CALN1: variants seen among roughly 807,000 people sequenced by gnomAD.
CALN1 encodes calcium-binding protein 8.
In CALN1, 17 loss-of-function variants were observed where a neutral mutation model predicts 30.6. That is an observed-to-expected ratio of 0.56 (90% CI 0.38 to 0.83). CALN1 has a LOEUF of 0.83. CALN1 is among the 40% of genes least tolerant of loss of function. CALN1 has a pLI of 0.00. For synonymous variants in CALN1, 156 were observed against 131.4 expected (o/e 1.19, Z -1.28); for missense variants, 291 against 354.9 (o/e 0.82, Z 1.45).
rs536218999 is a variant in CALN1, at chr7:71,897,501, A to G, written c.502-87009T>C. On this transcript the variant is annotated intron_variant, in intron 5 of 6. Transcript: ENST00000395275. Reference sequence around the variant, plus strand: ...TCCTGTCCAAGGATAAAAGAACAGAAAACAAAAATTTCACCTTGAGCCTCT... The same window carrying G: ...TCCTGTCCAAGGATAAAAGAACAGAGAACAAAAATTTCACCTTGAGCCTCT... 2.6e-5 allele frequency among the ~76,000 whole-genome samples: 4 copies of G among 152,314 alleles called. No homozygotes were observed. In the East Asian group the frequency reaches 7.7e-4, roughly 29 times the overall value.
At chr7:72,471,029 C>T in the CALN1 span, among the ~76,000 whole-genome samples, 1 of 152,154 alleles carries the variant, frequency 6.6e-6, no homozygotes, top group Non-Finnish European at 1.5e-5. Context: ...AATCTTGGCT[C>T]ACTGCAGCCT....
intron 5 of CALN1, among the ~76,000 whole-genome samples, chr7:71,867,503 C>T (rs376992182): frequency 1.2e-4 from 18 of 152,034 alleles, no homozygotes; most frequent in East Asian, 7.8e-4. Flanking sequence ...GGTGCAATCT[C>T]GGCTCATTGC....
At chr7:72,267,920 T>C (rs779081240) in intron 3 of CALN1, among the ~76,000 whole-genome samples, 3 of 152,146 alleles carry the variant, frequency 2.0e-5, no homozygotes, top group Non-Finnish European at 4.4e-5. Context: ...GATGGCAGGA[T>C]TGCTTGAGCC....
intron 3 of CALN1, among the ~76,000 whole-genome samples, chr7:72,209,695 A>G (rs1046849237): frequency 6.6e-6 from 1 of 152,134 alleles, no homozygotes; most frequent in African/African-American, 2.4e-5. Context: ...CACTTTGGCT[A>G]TCGGGCTCTT....
At chr7:72,435,578 GCAGCAGC>G (rs1808129401) in intron 1 of CALN1, among the ~76,000 whole-genome samples, 1 of 152,198 alleles carries the variant, frequency 6.6e-6, no homozygotes, top group African/African-American at 2.4e-5. Flanking sequence ...CAGAAGCGAG[GCAGCAGC>G]CAGCGCGGAG....
At chr7:72,144,557 A>G (rs1319565650) in intron 3 of CALN1, among the ~76,000 whole-genome samples, 2 of 152,218 alleles carry the variant, frequency 1.3e-5, no homozygotes, top group Non-Finnish European at 2.9e-5. Flanking sequence ...AACATCAGAC[A>G]GATCAACAAG....
intron 6 of CALN1, among the ~76,000 whole-genome samples, chr7:71,794,648 C>A (rs1017393314): frequency 2.0e-5 from 3 of 152,184 alleles, no homozygotes; most frequent in South Asian, 4.1e-4. Flanking sequence ...CTGTAAATTG[C>A]CAGAGAAATA....
At chr7:72,236,630 G>A (rs932662381) in intron 3 of CALN1, among the ~76,000 whole-genome samples, 6 of 152,146 alleles carry the variant, frequency 3.9e-5, no homozygotes, top group African/African-American at 1.4e-4. Flanking sequence ...CAGGCTCATC[G>A]CAAAAATCAA....
At chr7:72,374,531 CAAA>C (rs200948574) in intron 2 of CALN1, among the ~76,000 whole-genome samples, 1 of 50,486 alleles carries the variant, frequency 2.0e-5, no homozygotes. Flanking sequence ...ACTCTGTCTC[CAAA>C]AAAAAAAAAA....
chr7:71,869,213 CTT>C (rs1263130281), intron 5 of CALN1, among the ~76,000 whole-genome samples: 7 of 144,568 alleles, frequency 4.8e-5, no homozygotes, highest in African/African-American at 5.0e-5. Context: ...GGAAAAAACA[CTT>C]TTTTTTTTTT....
intron 6 of CALN1, among the ~76,000 whole-genome samples, chr7:71,790,622 G>A (rs1315318549): frequency 1.3e-5 from 2 of 152,176 alleles, no homozygotes. Flanking sequence ...TGCCCTTGAG[G>A]TCGGCAGGAA....
chr7:71,824,221 G>A lies in CALN1; in HGVS notation c.502-13729C>T, dbSNP rs183260743. Among the ~76,000 whole-genome samples, 8 of 152,212 alleles carry A rather than the reference G, an allele frequency of 5.3e-5. No individual in the cohort carries two copies. In the East Asian group the frequency reaches 1.4e-3, roughly 26 times the overall value. Reference sequence around the variant, plus strand: ...GTTGGATAATGTATGCAGAATACATGTTTTCTGAATGACTAAACCTGAATC... The same window carrying A: ...GTTGGATAATGTATGCAGAATACATATTTTCTGAATGACTAAACCTGAATC... On this transcript the variant is annotated intron_variant, in intron 5 of 6. Coordinates refer to ENST00000395275, the MANE Select transcript of CALN1 (RefSeq NM_031468.4).
At chr7:72,085,121 G>C (rs1267958404) in intron 4 of CALN1, among the ~76,000 whole-genome samples, 2 of 152,056 alleles carry the variant, frequency 1.3e-5, no homozygotes, top group African/African-American at 4.8e-5. Context: ...GCAGCCAAAC[G>C]CTATGTCATT....
intron 5 of CALN1, among the ~76,000 whole-genome samples, chr7:71,920,399 G>A (rs1031673236): frequency 2.8e-5 from 4 of 142,858 alleles, no homozygotes; most frequent in South Asian, 4.4e-4. Flanking sequence ...GTAGTGGTGC[G>A]ATCTCGGCTC....
intron 1 of CALN1, among the ~76,000 whole-genome samples, chr7:72,406,475 T>C (rs1806700831): frequency 6.6e-6 from 1 of 152,156 alleles, no homozygotes; most frequent in South Asian, 2.1e-4. Flanking sequence ...TTTCCAGAAT[T>C]TGTCCTCTAA....
At chr7:72,167,242 G>T (rs1023955002) in intron 3 of CALN1, among the ~76,000 whole-genome samples, 1 of 152,142 alleles carries the variant, frequency 6.6e-6, no homozygotes, top group African/African-American at 2.4e-5. Flanking sequence ...AGGCATGTTG[G>T]GTCAACCAAG....
intron 5 of CALN1, among the ~76,000 whole-genome samples, chr7:71,823,085 C>G (rs1367619171): frequency 1.3e-5 from 2 of 151,332 alleles, no homozygotes; most frequent in African/African-American, 2.4e-5. Flanking sequence ...TCTCTCATGA[C>G]AGACAATTTA....
intron 5 of CALN1, among the ~76,000 whole-genome samples, chr7:71,948,634 G>T (rs1040736143): frequency 6.6e-6 from 1 of 151,706 alleles, no homozygotes; most frequent in African/African-American, 2.4e-5. Context: ...GGGAGGCTGA[G>T]GCATGAGAAT....
chr7:72,367,049 A>G (rs928264233), intron 2 of CALN1, among the ~76,000 whole-genome samples: 19 of 144,758 alleles, frequency 1.3e-4, no homozygotes, highest in African/African-American at 4.6e-4. Context: ...CACAAATATA[A>G]TGTTGAGTCA....
Sources: allele counts gnomAD v4.1 joint callset (sites outside exome capture counted in the v4.1 genomes callset), GRCh38; gene constraint gnomAD v4.1.1; transcripts MANE v1.5; gene names NCBI Gene and HGNC (gene_info 2026-07-23, HGNC 2026-07-21).